Variants in LSAMP observed in about 807,000 individuals in gnomAD.
LSAMP encodes limbic system-associated membrane protein.
In LSAMP, 7 loss-of-function variants were observed where a neutral mutation model predicts 38.6. The ratio of observed to expected loss-of-function variants is 0.18; its 90% CI spans 0.10 to 0.34. LSAMP has a LOEUF of 0.34. Ranked by LOEUF, LSAMP falls within the 10% of genes least tolerant of loss-of-function variation. LSAMP has a pLI of 1.00. For missense variants in LSAMP, 313 were observed against 420.0 expected (o/e 0.75, Z 2.23); for synonymous variants, 154 against 166.8 (o/e 0.92, Z 0.59).
At chr3:116,440,357 T>A (rs945619828) in intron 1 of LSAMP, among the ~76,000 whole-genome samples, 1 of 152,206 alleles carries the variant, frequency 6.6e-6, no homozygotes. Context: ...TTTGCTGTTA[T>A]GTGGAATCAG....
chr3:115,927,146 A>G (rs1461382896), intron 3 of LSAMP, among the ~76,000 whole-genome samples: 1 of 152,176 alleles, frequency 6.6e-6, no homozygotes, highest in Admixed American at 6.5e-5. Flanking sequence ...TTGCTGACCA[A>G]GCAACGGTGC....
At chr3:116,085,626 C>A (rs78262344) in intron 2 of LSAMP, among the ~76,000 whole-genome samples, 1 of 152,048 alleles carries the variant, frequency 6.6e-6, no homozygotes. Flanking sequence ...GCAATTATGG[C>A]GAAAGAAACC....
chr3:116,406,727 C>A lies in LSAMP; in HGVS notation c.155+38150G>T, dbSNP rs567642213. Among the ~76,000 whole-genome samples the A allele has an allele frequency of 3.7e-4, 56 of 152,060 alleles. 1 individual carries two copies. The South Asian group carries it at 5.8e-3, about 16-fold the overall frequency. ...CTCCTCCTGTTCTCCATGCACACAG[C>A]ACCCCCATAATAACAAGTAAAAACT... On this transcript the variant is annotated intron_variant, in intron 1 of 6. Transcript: ENST00000490035.
At chr3:116,081,190 G>C (rs1334198002) in intron 2 of LSAMP, among the ~76,000 whole-genome samples, 1 of 152,162 alleles carries the variant, frequency 6.6e-6, no homozygotes, top group African/African-American at 2.4e-5. Context: ...GGGGGCCGGC[G>C]AGGTGGCTCA....
chr3:116,382,341 C>A (rs1182127061), intron 1 of LSAMP, among the ~76,000 whole-genome samples: 2 of 151,978 alleles, frequency 1.3e-5, no homozygotes, highest in Non-Finnish European at 2.9e-5. Context: ...AGGATGAGTT[C>A]ATGTCCTTTG....
intron 6 of LSAMP, among the ~76,000 whole-genome samples, chr3:115,827,501 A>G (rs748607364): frequency 1.3e-5 from 2 of 152,168 alleles, no homozygotes; most frequent in Non-Finnish European, 2.9e-5. Context: ...AGAATGAACT[A>G]TTAGCTGTGA....
intron 3 of LSAMP, among the ~76,000 whole-genome samples, chr3:115,962,702 G>A (rs2107597100): frequency 6.6e-6 from 1 of 152,314 alleles, no homozygotes; most frequent in Middle Eastern, 3.4e-3. Flanking sequence ...TTGTGCCAAA[G>A]TGAGTAGAAA....
intron 1 of LSAMP, among the ~76,000 whole-genome samples, chr3:116,337,764 AG>A (rs2047940810): frequency 1.3e-5 from 2 of 152,040 alleles, no homozygotes. Context: ...AAGCAATAGC[AG>A]GGGCTAGGTC....
chr3:115,903,772 C>G (rs1936940686), intron 3 of LSAMP, among the ~76,000 whole-genome samples: 1 of 152,080 alleles, frequency 6.6e-6, no homozygotes, highest in Admixed American at 6.6e-5. Flanking sequence ...ATAGGTTAGG[C>G]AATACAATAT....
chr3:116,144,898 A>G (rs1349179442), intron 1 of LSAMP, among the ~76,000 whole-genome samples: 1 of 151,952 alleles, frequency 6.6e-6, no homozygotes, highest in East Asian at 1.9e-4. Context: ...TAATTATGTA[A>G]AATAATATAG....
chr3:116,316,907 C>A (rs1189858877), intron 1 of LSAMP, among the ~76,000 whole-genome samples: 1 of 151,888 alleles, frequency 6.6e-6, no homozygotes, highest in African/African-American at 2.4e-5. Flanking sequence ...AGAGGTCACT[C>A]AATTTGGCCA....
intron 1 of LSAMP, among the ~76,000 whole-genome samples, chr3:116,169,834 T>C (rs771018923): frequency 2.6e-4 from 40 of 152,144 alleles, no homozygotes; most frequent in South Asian, 8.3e-4. Flanking sequence ...TGACAGCGGG[T>C]CTTGTGAAAA....
In LSAMP at chr3:115,925,145, G is replaced by C. The variant is rs192889187; in HGVS notation, c.515-72528C>G. Among the ~76,000 whole-genome samples, 11 of 152,246 alleles carry C rather than the reference G, an allele frequency of 7.2e-5. No individual in the cohort carries two copies. In the East Asian group the frequency reaches 1.9e-3, roughly 27 times the overall value. On this transcript the variant is annotated intron_variant, in intron 3 of 6. Transcript: ENST00000490035. ...AGGTATGTGTGTGTTCCTAGGCCTGGGGGGTGAACAAGGGGGAGCTATTTT... is the reference window on the plus strand; with the variant it reads ...AGGTATGTGTGTGTTCCTAGGCCTGCGGGGTGAACAAGGGGGAGCTATTTT...
intron 1 of LSAMP, among the ~76,000 whole-genome samples, chr3:116,175,029 C>G (rs1710303241): frequency 6.6e-6 from 1 of 152,104 alleles, no homozygotes; most frequent in African/African-American, 2.4e-5. Flanking sequence ...CAAGTCTAAA[C>G]TGTAAGAATT....
chr3:116,394,682 G>A (rs2048745514), intron 1 of LSAMP, among the ~76,000 whole-genome samples: 1 of 148,262 alleles, frequency 6.7e-6, no homozygotes, highest in Non-Finnish European at 1.5e-5. Flanking sequence ...GATATCAAGT[G>A]ACTTTTTATT....
chr3:116,364,117 T>A (rs9680879), intron 1 of LSAMP, among the ~76,000 whole-genome samples: 1 of 43,574 alleles, frequency 2.3e-5, no homozygotes, highest in South Asian at 8.4e-4. Flanking sequence ...AAAACCCCAT[T>A]GTCTCAGCCC....
intron 3 of LSAMP, among the ~76,000 whole-genome samples, chr3:115,997,259 T>C (rs916511616): frequency 1.3e-5 from 2 of 152,142 alleles, no homozygotes; most frequent in African/African-American, 4.8e-5. Context: ...GTCACCCTTC[T>C]ATAGTGTAGT....
intron 1 of LSAMP, among the ~76,000 whole-genome samples, chr3:116,152,211 A>T (rs1196656477): frequency 6.6e-6 from 1 of 152,116 alleles, no homozygotes; most frequent in Admixed American, 6.6e-5. Context: ...CTAGTCTTGC[A>T]ATACACTCTA....
At chr3:116,141,039 T>C (rs1450938486) in intron 1 of LSAMP, among the ~76,000 whole-genome samples, 3 of 151,948 alleles carry the variant, frequency 2.0e-5, no homozygotes, top group Admixed American at 1.3e-4. Context: ...GGCATCCTTG[T>C]ATCTAGAAAG....
Sources: allele counts gnomAD v4.1 joint callset (sites outside exome capture counted in the v4.1 genomes callset), GRCh38; gene constraint gnomAD v4.1.1; transcripts MANE v1.5; gene names NCBI Gene and HGNC (gene_info 2026-07-23, HGNC 2026-07-21).